The following GALNTL6 variants were observed in gnomAD, a reference collection of about 807,000 sequenced individuals.
The protein encoded by GALNTL6 is polypeptide N-acetylgalactosaminyltransferase-like 6.
A neutral mutation model predicts 73.7 loss-of-function variants in GALNTL6; 46 were observed. That is an observed-to-expected ratio of 0.62 (90% CI 0.49 to 0.80). GALNTL6 has a LOEUF of 0.80. Ranked by LOEUF, GALNTL6 falls within the 30% of genes least tolerant of loss-of-function variation. GALNTL6 has a pLI of 0.00. For synonymous variants in GALNTL6, 259 were observed against 263.7 expected (o/e 0.98, Z 0.17); for missense variants, 604 against 755.0 (o/e 0.80, Z 2.34).
intron 2 of GALNTL6, among the ~76,000 whole-genome samples, chr4:172,181,336 T>G (rs1369630403): frequency 6.6e-6 from 1 of 152,098 alleles, no homozygotes; most frequent in Non-Finnish European, 1.5e-5. Flanking sequence ...ATAAATGTAA[T>G]CCATCACATA....
chr4:172,693,052 A>G (rs1217358932), intron 5 of GALNTL6, among the ~76,000 whole-genome samples: 2 of 152,196 alleles, frequency 1.3e-5, no homozygotes, highest in African/African-American at 4.8e-5. Flanking sequence ...TAACAACACT[A>G]CGATTGGCCA....
chr4:172,145,014 C>T (rs549680390), intron 2 of GALNTL6, among the ~76,000 whole-genome samples: 94 of 152,164 alleles, frequency 6.2e-4, no homozygotes, highest in African/African-American at 1.9e-3. Context: ...CTGGAGTACA[C>T]TGGTGTGATC....
chr4:171,940,010 T>C (rs1436299733), intron 2 of GALNTL6, among the ~76,000 whole-genome samples: 2 of 152,192 alleles, frequency 1.3e-5, no homozygotes, highest in African/African-American at 4.8e-5. Flanking sequence ...TGGATTTGTT[T>C]TTTTTAACTC....
intron 5 of GALNTL6, among the ~76,000 whole-genome samples, chr4:172,573,802 A>G (rs1338820194): frequency 1.3e-5 from 2 of 152,176 alleles, no homozygotes; most frequent in Admixed American, 6.5e-5. Context: ...CAGATGTTTT[A>G]CTATGATTCA....
chr4:172,570,022 G>T (rs1736703743), intron 5 of GALNTL6, among the ~76,000 whole-genome samples: 1 of 152,206 alleles, frequency 6.6e-6, no homozygotes, highest in African/African-American at 2.4e-5. Context: ...GTCTTCACTA[G>T]ATGTGATAAT....
At chr4:171,832,338 T>C (rs953893472) in intron 2 of GALNTL6, among the ~76,000 whole-genome samples, 1 of 151,498 alleles carries the variant, frequency 6.6e-6, no homozygotes. Context: ...GGGCAGGATA[T>C]TCCTATTTAC....
At chr4:171,889,726 T>C (rs957661880) in intron 2 of GALNTL6, among the ~76,000 whole-genome samples, 1 of 152,056 alleles carries the variant, frequency 6.6e-6, no homozygotes, top group African/African-American at 2.4e-5. Context: ...TCTTGTAACA[T>C]AGATGCAATA....
intron 4 of GALNTL6, among the ~76,000 whole-genome samples, chr4:172,313,274 T>C (rs575283859): frequency 4.6e-5 from 7 of 151,930 alleles, no homozygotes; most frequent in African/African-American, 1.2e-4. Flanking sequence ...TACAGGCGCC[T>C]GCCACCATGC....
At chr4:171,860,677 G>T (rs1391540817) in intron 2 of GALNTL6, among the ~76,000 whole-genome samples, 2 of 152,156 alleles carry the variant, frequency 1.3e-5, no homozygotes, top group Admixed American at 1.3e-4. Context: ...CCTTAACAGG[G>T]TGTTGATTTT....
At chr4:172,270,746 GA>G (rs1738616774) in intron 3 of GALNTL6, among the ~76,000 whole-genome samples, 1 of 152,162 alleles carries the variant, frequency 6.6e-6, no homozygotes, top group Non-Finnish European at 1.5e-5. Flanking sequence ...TAGATAGATA[GA>G]TAGATGATAG....
intron 5 of GALNTL6, among the ~76,000 whole-genome samples, chr4:172,783,521 A>T (rs1262681974): frequency 6.7e-6 from 1 of 148,590 alleles, no homozygotes; most frequent in Admixed American, 6.8e-5. Flanking sequence ...TATTTAATAT[A>T]ATAATAGTAA....
At chr4:171,957,898 T>C (rs1739100415) in intron 2 of GALNTL6, among the ~76,000 whole-genome samples, 1 of 152,190 alleles carries the variant, frequency 6.6e-6, no homozygotes. Flanking sequence ...TAACCTAAGG[T>C]ATCCATTTTG....
chr4:172,279,245 G>C, intron 3 of GALNTL6, among the ~76,000 whole-genome samples: 1 of 152,064 alleles, frequency 6.6e-6, no homozygotes, highest in East Asian at 1.9e-4. Flanking sequence ...ATAAACTTCT[G>C]TGGATCAAAG....
intron 5 of GALNTL6, among the ~76,000 whole-genome samples, chr4:172,539,197 A>G (rs550555988): frequency 6.6e-6 from 1 of 152,178 alleles, no homozygotes; most frequent in Non-Finnish European, 1.5e-5. Flanking sequence ...TCATTGCAAC[A>G]TATCCCCATC....
intron 8 of GALNTL6, among the ~76,000 whole-genome samples, chr4:172,888,571 G>A (rs892718357): frequency 5.3e-5 from 8 of 152,154 alleles, no homozygotes; most frequent in East Asian, 1.9e-4. Context: ...CATTGTAGGC[G>A]TGCTACCTTA....
intron 2 of GALNTL6, among the ~76,000 whole-genome samples, chr4:172,004,062 G>C (rs573624501): frequency 1.3e-5 from 2 of 152,218 alleles, no homozygotes; most frequent in African/African-American, 2.4e-5. Flanking sequence ...GGATACAACT[G>C]TTTGCATACC....
At chr4:172,514,797 A>G (rs1326119971) in intron 5 of GALNTL6, among the ~76,000 whole-genome samples, 1 of 152,034 alleles carries the variant, frequency 6.6e-6, no homozygotes, top group African/African-American at 2.4e-5. Context: ...TGCTGCTTCT[A>G]CTTTTATATT....
intron 2 of GALNTL6, among the ~76,000 whole-genome samples, chr4:172,126,878 AGCTGGCTG>A (rs1305423119): frequency 6.6e-6 from 1 of 152,072 alleles, no homozygotes; most frequent in Non-Finnish European, 1.5e-5. Context: ...CCACCACCAT[AGCTGGCTG>A]GCTGCTACCT....
chr4:171,967,721 G>A (rs560835047), intron 2 of GALNTL6, among the ~76,000 whole-genome samples: 13 of 152,066 alleles, frequency 8.5e-5, no homozygotes, highest in South Asian at 2.1e-4. Flanking sequence ...TACTCATTTC[G>A]TGACATTTAG....
Sources: allele counts gnomAD v4.1 joint callset (sites outside exome capture counted in the v4.1 genomes callset), GRCh38; gene constraint gnomAD v4.1.1; transcripts MANE v1.5; gene names NCBI Gene and HGNC (gene_info 2026-07-23, HGNC 2026-07-21).